Variants in AFG2A observed in about 807,000 individuals in gnomAD.
AFG2A encodes ATPase family gene 2 protein homolog A.
the AFG2A span, among the ~76,000 whole-genome samples, chr4:123,127,966 T>C: frequency 6.6e-6 from 1 of 152,206 alleles, no homozygotes; most frequent in Non-Finnish European, 1.5e-5. Context: ...ATACAGTTTA[T>C]ACTAAACAGT....
At chr4:122,965,882 C>T in the AFG2A span, among the ~76,000 whole-genome samples, 3 of 152,090 alleles carry the variant, frequency 2.0e-5, no homozygotes, top group Non-Finnish European at 4.4e-5. Context: ...TTAAACTTAG[C>T]ATCATAGAAT....
the AFG2A span, among the ~76,000 whole-genome samples, chr4:123,015,082 G>A: frequency 6.6e-6 from 1 of 152,150 alleles, no homozygotes; most frequent in East Asian, 1.9e-4. Context: ...CACTCACCCT[G>A]TGCATAGCAC....
the AFG2A span, among the ~76,000 whole-genome samples, chr4:123,227,981 CTT>C: frequency 1.3e-5 from 2 of 152,010 alleles, no homozygotes; most frequent in Non-Finnish European, 1.5e-5. Flanking sequence ...TTCTTTGTCT[CTT>C]TTGATCTTTG....
the AFG2A span, chr4:122,927,518 A>G: frequency 1.4e-4 from 141 of 981,278 alleles, 1 homozygote; most frequent in African/African-American, 2.0e-3. Context: ...TCTCCAGGGT[A>G]TGGTAAGTAC....
chr4:123,012,558 G>A, the AFG2A span, among the ~76,000 whole-genome samples: 1 of 152,174 alleles, frequency 6.6e-6, no homozygotes, highest in African/African-American at 2.4e-5. Flanking sequence ...TGAAATGTGG[G>A]TGAATAATCA....
At chr4:123,130,749 ACTT>A in the AFG2A span, among the ~76,000 whole-genome samples, 1 of 152,182 alleles carries the variant, frequency 6.6e-6, no homozygotes, top group Admixed American at 6.5e-5. Flanking sequence ...TGTGAACAAA[ACTT>A]CTTATATCTA....
chr4:122,958,606 A>G, the AFG2A span, among the ~76,000 whole-genome samples: 1 of 152,298 alleles, frequency 6.6e-6, no homozygotes, highest in Admixed American at 6.5e-5. Flanking sequence ...AATTTACTAA[A>G]CTCGGTTACT....
chr4:123,252,658 A>G, the AFG2A span, among the ~76,000 whole-genome samples: 2 of 152,214 alleles, frequency 1.3e-5, no homozygotes, highest in Non-Finnish European at 2.9e-5. Flanking sequence ...CAATAATTGT[A>G]TCAACTTATA....
chr4:122,992,393 C>T, the AFG2A span, among the ~76,000 whole-genome samples: 1 of 152,164 alleles, frequency 6.6e-6, no homozygotes, highest in Non-Finnish European at 1.5e-5. Context: ...GCATTTTATG[C>T]TTGCTTCAGA....
At chr4:123,155,691 T>C in the AFG2A span, among the ~76,000 whole-genome samples, 2 of 152,202 alleles carry the variant, frequency 1.3e-5, no homozygotes, top group East Asian at 3.8e-4. Flanking sequence ...ATTTAAAGTA[T>C]ACAAGAGGAT....
At chr4:123,028,233 G>C in the AFG2A span, 1 of 1,614,064 alleles carries the variant, frequency 6.2e-7, no homozygotes, top group Non-Finnish European at 8.5e-7. Context: ...AACTGAAGTT[G>C]GAACAGGCTG....
chr4:123,252,568 T>C, the AFG2A span, among the ~76,000 whole-genome samples: 1 of 152,252 alleles, frequency 6.6e-6, no homozygotes, highest in Non-Finnish European at 1.5e-5. Context: ...TTAAATTTAC[T>C]GATTTATAAA....
chr4:123,097,099 A>T, the AFG2A span, among the ~76,000 whole-genome samples: 2 of 152,078 alleles, frequency 1.3e-5, no homozygotes, highest in Non-Finnish European at 2.9e-5. Flanking sequence ...CCTCCCAAGT[A>T]GCTAAGATTA....
chr4:123,015,832 C>T, the AFG2A span, among the ~76,000 whole-genome samples: 3 of 59,524 alleles, frequency 5.0e-5, no homozygotes, highest in Admixed American at 2.1e-4. Context: ...ACCTCCCTCC[C>T]GGATGGGGCG....
chr4:123,049,025 GAAGT>G, the AFG2A span, among the ~76,000 whole-genome samples: 1 of 152,074 alleles, frequency 6.6e-6, no homozygotes, highest in Admixed American at 6.6e-5. Context: ...TTATCAGATT[GAAGT>G]ATGTTCCTTC....
chr4:122,947,264 G>A, the AFG2A span: 1 of 1,609,712 alleles, frequency 6.2e-7, no homozygotes, highest in Non-Finnish European at 8.5e-7. Flanking sequence ...TTGGTTCTTG[G>A]GGCCACAAAT....
chr4:123,181,668 A>C, the AFG2A span, among the ~76,000 whole-genome samples: 1 of 152,082 alleles, frequency 6.6e-6, no homozygotes, highest in Admixed American at 6.5e-5. Context: ...TCCAAGCTAA[A>C]GTGCTCTATG....
At chr4:122,986,878 AT>A in the AFG2A span, among the ~76,000 whole-genome samples, 8 of 151,886 alleles carry the variant, frequency 5.3e-5, no homozygotes, top group Non-Finnish European at 1.0e-4. Flanking sequence ...TTCCTTATTG[AT>A]TTTCTATCTT....
the AFG2A span, among the ~76,000 whole-genome samples, chr4:123,216,125 A>G: frequency 2.6e-5 from 4 of 152,244 alleles, no homozygotes; most frequent in African/African-American, 9.6e-5. Flanking sequence ...ATCTCAAGAC[A>G]AAAAAAGAAT....
Sources: gnomAD v4.1 joint callset for allele counts (sites outside exome capture counted in the v4.1 genomes callset) on GRCh38, gnomAD v4.1.1 for gene constraint, MANE v1.5 for transcripts, NCBI Gene and HGNC (gene_info 2026-07-23, HGNC 2026-07-21) for gene names.